The following MEF2C variants were observed in gnomAD, a reference collection of about 807,000 sequenced individuals.
The protein encoded by MEF2C is myocyte enhancer factor 2C, also known as myocyte-specific enhancer factor 2C.
MEF2C carries 6 observed loss-of-function variants against 50.5 expected under a neutral mutation model. The ratio of observed to expected loss-of-function variants is 0.12; its 90% CI spans 0.07 to 0.23. MEF2C has a LOEUF of 0.23. MEF2C is among the 10% of genes least tolerant of loss of function. MEF2C has a pLI of 1.00. For synonymous variants in MEF2C, 183 were observed against 228.0 expected (o/e 0.80, Z 1.78); for missense variants, 276 against 605.0 (o/e 0.46, Z 5.70).
chr5:88,871,233 T>G (rs1162640165), intron 1 of MEF2C, among the ~76,000 whole-genome samples: 1 of 152,002 alleles, frequency 6.6e-6, no homozygotes, highest in Non-Finnish European at 1.5e-5. Context: ...TAACAGCCAT[T>G]TTCCAGTAAT....
At chr5:88,901,719 G>T (rs1453472160) in intron 1 of MEF2C, among the ~76,000 whole-genome samples, 1 of 151,888 alleles carries the variant, frequency 6.6e-6, no homozygotes, top group Non-Finnish European at 1.5e-5. Context: ...AGTTGGCATA[G>T]GTTTTTTTGT....
chr5:88,829,436 A>G (rs1044813883), intron 1 of MEF2C, among the ~76,000 whole-genome samples: 1 of 151,876 alleles, frequency 6.6e-6, no homozygotes, highest in African/African-American at 2.4e-5. Context: ...CTTCCTCAAC[A>G]TCTGTTTTAT....
chr5:88,810,679 G>A (rs1802402766), intron 2 of MEF2C, among the ~76,000 whole-genome samples: 1 of 152,082 alleles, frequency 6.6e-6, no homozygotes, highest in Non-Finnish European at 1.5e-5. Flanking sequence ...TAATTAATGA[G>A]GCCGACTTAA....
chr5:88,727,070 T>A (rs1247134573), intron 10 of MEF2C, among the ~76,000 whole-genome samples: 1 of 152,100 alleles, frequency 6.6e-6, no homozygotes, highest in East Asian at 1.9e-4. Flanking sequence ...AGTTGATACT[T>A]TGTACAAAAT....
intron 2 of MEF2C, among the ~76,000 whole-genome samples, chr5:88,818,465 G>A (rs1014114181): frequency 2.0e-5 from 3 of 151,906 alleles, no homozygotes; most frequent in Non-Finnish European, 2.9e-5. Flanking sequence ...AAAAAATGCC[G>A]ACGGAGAGAC....
intron 4 of MEF2C, among the ~76,000 whole-genome samples, chr5:88,755,094 T>C (rs1399845858): frequency 6.6e-6 from 1 of 152,216 alleles, no homozygotes; most frequent in Non-Finnish European, 1.5e-5. Flanking sequence ...AAATCATTTA[T>C]GATGTTGGTT....
At position 88,734,590 on chromosome 5, in the gene MEF2C, T is replaced by G. The variant is rs1051226917; in HGVS notation, c.638-2689A>C. 5.4e-5 allele frequency: 52 copies of G among 971,024 alleles called. No individual in the cohort carries two copies. The South Asian group carries it at 6.2e-4, about 12-fold the overall frequency. The allele number at this position is 971,024 out of a possible 1,614,324, so 60.2% of individuals were successfully genotyped here. A position where few individuals can be genotyped will look rare whatever the true frequency, so the allele number is the denominator to read the frequency against. On this transcript the variant is annotated intron_variant, in intron 6 of 10. Transcript: ENST00000504921. The stretch of plus-strand genomic sequence containing the variant: ...GTTTTTTTTTTTTTTTTTTTTTTTT[T>G]TTTTTTTTAGCATTTTCTACAGTAA...
chr5:88,807,225 T>C (rs1562146709), intron 2 of MEF2C, among the ~76,000 whole-genome samples: 1 of 152,166 alleles, frequency 6.6e-6, no homozygotes. Context: ...ACAACTTCTC[T>C]TTTGTTTGTT....
intron 2 of MEF2C, among the ~76,000 whole-genome samples, chr5:88,814,276 T>G (rs2280051): frequency 1.3e-5 from 2 of 151,842 alleles, no homozygotes; most frequent in Admixed American, 6.6e-5. Flanking sequence ...TCGCGAGCTT[T>G]AGGCCCGATG....
chr5:88,813,494 A>C lies in MEF2C; in HGVS notation c.55-8693T>G, dbSNP rs372856127. Among the ~76,000 whole-genome samples, 4 of 152,102 alleles carry C rather than the reference A, an allele frequency of 2.6e-5. No individual in the cohort carries two copies. In the South Asian group the frequency reaches 6.2e-4, roughly 24 times the overall value. ...CCAGCCCCATTCATAAAGTCACCTC[A>C]GAAGAACTTTCCTGCCATTTTAACT... On this transcript the variant is annotated intron_variant, in intron 2 of 10. Transcript: ENST00000504921.
At chr5:88,796,331 T>A (rs1397764185) in intron 3 of MEF2C, among the ~76,000 whole-genome samples, 1 of 152,216 alleles carries the variant, frequency 6.6e-6, no homozygotes, top group African/African-American at 2.4e-5. Flanking sequence ...GTTATTGGTC[T>A]ATTCAGTATT....
At chr5:88,856,422 A>G (rs1823368213) in intron 1 of MEF2C, among the ~76,000 whole-genome samples, 1 of 152,204 alleles carries the variant, frequency 6.6e-6, no homozygotes, top group African/African-American at 2.4e-5. Context: ...CCATTTTTTG[A>G]TGAGAAATTC....
intron 3 of MEF2C, chr5:88,766,556 T>C: frequency 2.4e-6 from 2 of 833,068 alleles, no homozygotes; most frequent in Middle Eastern, 6.2e-4. Flanking sequence ...CATCACAGAC[T>C]AAAAGCTTTC....
intron 5 of MEF2C, 21 bp from the exon 6 acceptor site, chr5:88,749,138 T>A: frequency 1.2e-5 from 19 of 1,553,654 alleles, no homozygotes; most frequent in Non-Finnish European, 1.7e-5. Flanking sequence ...AAGAGGAAGA[T>A]CAAAACGAGA....
chr5:88,879,711 CAT>C (rs1832224882), intron 1 of MEF2C, among the ~76,000 whole-genome samples: 1 of 152,014 alleles, frequency 6.6e-6, no homozygotes, highest in East Asian at 1.9e-4. Flanking sequence ...ACAATGAAGA[CAT>C]ACATAAAAAA....
intron 3 of MEF2C, chr5:88,766,536 A>C: frequency 3.1e-6 from 2 of 642,896 alleles, no homozygotes; most frequent in Non-Finnish European, 1.9e-6. Flanking sequence ...GCTTTTTTTC[A>C]GAGAACCACC....
intron 2 of MEF2C, among the ~76,000 whole-genome samples, chr5:88,808,705 C>A (rs770473436): frequency 6.6e-6 from 1 of 152,038 alleles, no homozygotes. Context: ...TTTTATAATG[C>A]TTTTTCTCAT....
chr5:88,862,473 A>T (rs1414683967), intron 1 of MEF2C, among the ~76,000 whole-genome samples: 2 of 152,172 alleles, frequency 1.3e-5, no homozygotes, highest in African/African-American at 4.8e-5. Flanking sequence ...TAAAATATAC[A>T]AGATGTTTTC....
chr5:88,763,615 C>T (rs1173992326), intron 3 of MEF2C, among the ~76,000 whole-genome samples: 1 of 150,742 alleles, frequency 6.6e-6, no homozygotes, highest in African/African-American at 2.4e-5. Flanking sequence ...TGATATTTTT[C>T]AAAAGTTATC....
Sources: gnomAD v4.1 joint callset for allele counts (sites outside exome capture counted in the v4.1 genomes callset) on GRCh38, gnomAD v4.1.1 for gene constraint, MANE v1.5 for transcripts, NCBI Gene and HGNC (gene_info 2026-07-23, HGNC 2026-07-21) for gene names.